The following MAGI1 variants were observed in gnomAD, a reference collection of about 807,000 sequenced individuals.
MAGI1 encodes membrane-associated guanylate kinase, WW and PDZ domain-containing protein 1.
In MAGI1, 58 loss-of-function variants were observed where a neutral mutation model predicts 139.9. That is an observed-to-expected ratio of 0.41 (90% confidence interval 0.34 to 0.52). The LOEUF is 0.52. Among genes scored for constraint, MAGI1 ranks in the 20% least tolerant of loss-of-function variants. The pLI is 0.12. For synonymous variants in MAGI1, 812 were observed against 737.9 expected (o/e 1.10, Z -1.63); for missense variants, 1,874 against 1,901.6 (o/e 0.99, Z 0.27).
At chr3:65,602,581 C>T (rs1449087638) in intron 2 of MAGI1, among the ~76,000 whole-genome samples, 2 of 151,908 alleles carry the variant, frequency 1.3e-5, no homozygotes, top group Admixed American at 6.6e-5. Context: ...TATAGGGTTT[C>T]TTTCTCGGGG....
intron 2 of MAGI1, among the ~76,000 whole-genome samples, chr3:65,542,250 C>T (rs2079269154): frequency 6.6e-6 from 1 of 152,174 alleles, no homozygotes; most frequent in South Asian, 2.1e-4. Context: ...TTACAAGCCA[C>T]TGCTCAAGGA....
intron 2 of MAGI1, among the ~76,000 whole-genome samples, chr3:65,520,582 A>G (rs573623226): frequency 1.3e-5 from 2 of 152,348 alleles, no homozygotes; most frequent in Admixed American, 6.5e-5. Flanking sequence ...GTACTCAAAA[A>G]AAGTGAGCTA....
chr3:65,735,021 C>A (rs1040006077), intron 1 of MAGI1, among the ~76,000 whole-genome samples: 1 of 152,036 alleles, frequency 6.6e-6, no homozygotes. Context: ...CCTATGCATA[C>A]AATTGAGTTA....
rs189281441 is a variant in MAGI1, at chr3:65,699,399, A to G, written c.314-77311T>C. Among the ~76,000 whole-genome samples, 7 of 148,620 alleles carry G rather than the reference A, an allele frequency of 4.7e-5. No individual in the cohort carries two copies. In the East Asian group the frequency reaches 1.4e-3, roughly 29 times the overall value. On this transcript the variant is annotated intron_variant, in intron 1 of 22. Coordinates refer to ENST00000402939, the MANE Select transcript of MAGI1 (RefSeq NM_001033057.2). ...TGGTTATATACCCAAAGGACTATAA[A>G]TCATGCTGCTGTAAAGACACACGCA... is the stretch of plus-strand genomic sequence containing the variant.
chr3:65,370,959 G>A (rs1941927279), intron 18 of MAGI1, among the ~76,000 whole-genome samples: 1 of 152,218 alleles, frequency 6.6e-6, no homozygotes, highest in African/African-American at 2.4e-5. Context: ...ACCCAGCTGT[G>A]TATTTTATTA....
rs571787882 is a variant in MAGI1, at chr3:65,425,541, A to G, written c.2167+3979T>C. 3.9e-5 allele frequency among the ~76,000 whole-genome samples: 6 copies of G among 152,304 alleles called. No individual in the cohort carries two copies. In the South Asian group the frequency reaches 1.2e-3, roughly 32 times the overall value. On this transcript the variant is annotated intron_variant, in intron 12 of 22. Coordinates refer to ENST00000402939, the MANE Select transcript of MAGI1 (RefSeq NM_001033057.2). ...ATTCATCTTTTAGATTAAAAAAATA[A>G]GTGTCAGGGTAGAAGTAGTACCCTT...
intron 1 of MAGI1, among the ~76,000 whole-genome samples, chr3:65,674,301 T>C (rs2087047026): frequency 6.6e-6 from 1 of 152,180 alleles, no homozygotes; most frequent in East Asian, 1.9e-4. Context: ...ATCTCAGCCC[T>C]ATCAGCATGA....
At chr3:65,478,435 G>A (rs753367835) in intron 4 of MAGI1, among the ~76,000 whole-genome samples, 157 bp downstream of exon 4, 1 of 152,104 alleles carries the variant, frequency 6.6e-6, no homozygotes, top group Non-Finnish European at 1.5e-5. Context: ...CCAGGGAAAG[G>A]ACCATCTCTT....
chr3:65,441,783 G>C (rs1948351532), intron 8 of MAGI1, among the ~76,000 whole-genome samples: 1 of 152,146 alleles, frequency 6.6e-6, no homozygotes, highest in Admixed American at 6.6e-5. Flanking sequence ...CAAAGTGGAG[G>C]TAAAAGTTAG....
chr3:65,589,567 A>G (rs2106726564), intron 2 of MAGI1, among the ~76,000 whole-genome samples: 1 of 152,198 alleles, frequency 6.6e-6, no homozygotes, highest in East Asian at 1.9e-4. Context: ...CCCCCCCTGC[A>G]TTAACTTCAT....
intron 1 of MAGI1, among the ~76,000 whole-genome samples, chr3:65,645,383 G>A (rs547550796): frequency 4.6e-5 from 7 of 152,150 alleles, no homozygotes; most frequent in African/African-American, 1.7e-4. Flanking sequence ...ATAGAAAAGG[G>A]TACAACATTT....
intron 2 of MAGI1, among the ~76,000 whole-genome samples, chr3:65,593,614 T>C (rs953395121): frequency 5.9e-5 from 9 of 152,216 alleles, no homozygotes; most frequent in Admixed American, 2.0e-4. Flanking sequence ...AGTTGTACTT[T>C]TTTGCATTGC....
At chr3:65,953,178 G>A (rs1355026389) in intron 1 of MAGI1, among the ~76,000 whole-genome samples, 1 of 152,162 alleles carries the variant, frequency 6.6e-6, no homozygotes, top group Non-Finnish European at 1.5e-5. Context: ...AGTGAGCAAA[G>A]GTTCTGATCA....
chr3:65,687,149 T>C (rs1328332302), intron 1 of MAGI1, among the ~76,000 whole-genome samples: 1 of 152,124 alleles, frequency 6.6e-6, no homozygotes, highest in African/African-American at 2.4e-5. Context: ...ATCCAAGCTA[T>C]CTTGAGAGGC....
intron 1 of MAGI1, among the ~76,000 whole-genome samples, chr3:65,791,071 C>G (rs1158678146): frequency 6.7e-6 from 1 of 150,286 alleles, no homozygotes; most frequent in Non-Finnish European, 1.5e-5. Flanking sequence ...CAAGACTCCT[C>G]AAAAAAAAAC....
chr3:65,545,417 C>T lies in MAGI1; in HGVS notation c.431-51786G>A, dbSNP rs767789381. Among the ~76,000 whole-genome samples, 7 of 152,140 alleles carry T rather than the reference C, an allele frequency of 4.6e-5. No individual in the cohort carries two copies. In the East Asian group the frequency reaches 1.4e-3, roughly 29 times the overall value. The stretch of plus-strand genomic sequence containing the variant: ...ACTCCTGAGGACTTCTTCCTGTATT[C>T]TCATGGGTCATTTCTCACTTTGGAG... On this transcript the variant is annotated intron_variant, in intron 2 of 22. Coordinates refer to ENST00000402939, the MANE Select transcript of MAGI1 (RefSeq NM_001033057.2).
intron 1 of MAGI1, among the ~76,000 whole-genome samples, chr3:65,625,491 CTTAA>C (rs2083923251): frequency 6.6e-6 from 1 of 152,122 alleles, no homozygotes; most frequent in Admixed American, 6.5e-5. Context: ...GAGAACAGGG[CTTAA>C]TCTCTGAACC....
At chr3:65,536,832 C>T (rs145258583) in intron 2 of MAGI1, among the ~76,000 whole-genome samples, 37 of 152,232 alleles carry the variant, frequency 2.4e-4, no homozygotes, top group African/African-American at 8.9e-4. Context: ...AATCCTCTTC[C>T]CACCAGAGAT....
At position 65,354,480 on chromosome 3, in the gene MAGI1, C is replaced by T. The variant is rs573947244; in HGVS notation, c.*1898G>A. The T allele has an allele frequency of 1.3e-5, 2 of 152,722 alleles. No individual in the cohort carries two copies. The highest frequency in any genetic ancestry group is 2.4e-5 in the African/African-American group (1 of 41,562). 9.5% of individuals were successfully genotyped at this position (152,722 alleles called of 1,614,324 possible). On this transcript the variant is annotated 3_prime_UTR_variant, in exon 23 of 23. Transcript: ENST00000402939. ...TATAAAAAGATTGGCCCACATACTGCTTTTCATCAATACAGAAAGAGCATT... is the reference window on the plus strand; with the variant it reads ...TATAAAAAGATTGGCCCACATACTGTTTTTCATCAATACAGAAAGAGCATT...
Sources: gnomAD v4.1 joint callset for allele counts (sites outside exome capture counted in the v4.1 genomes callset) on GRCh38, gnomAD v4.1.1 for gene constraint, MANE v1.5 for transcripts, NCBI Gene and HGNC (gene_info 2026-07-23, HGNC 2026-07-21) for gene names.